GOSR2: variants seen among roughly 807,000 people sequenced by gnomAD.
GOSR2 encodes the protein golgi SNAP receptor complex member 2.
In GOSR2, 20 loss-of-function variants were observed where a neutral mutation model predicts 27.9. The observed-to-expected ratio is 0.72, with a 90% CI of 0.50 to 1.04. The LOEUF (loss-of-function observed/expected upper bound fraction) is 1.04. Ranked by LOEUF, GOSR2 falls within the 50% of genes least tolerant of loss-of-function variation. The pLI is 0.00. For synonymous variants in GOSR2, 91 were observed against 98.8 expected, an observed-to-expected ratio of 0.92 and a Z score of 0.47; for missense variants, 261 against 270.5, an observed-to-expected ratio of 0.97 and a Z score of 0.25.
intron 2 of GOSR2, chr17:46,930,838 AT>A (rs2087253001): frequency 7.3e-6 from 3 of 409,118 alleles, no homozygotes; most frequent in Non-Finnish European, 1.3e-5. Context: ...TAGGAAATTT[AT>A]TTCTACAGAT....
intron 1 of GOSR2, among the ~76,000 whole-genome samples, chr17:46,928,864 C>T (rs2086888105): frequency 6.6e-6 from 1 of 152,164 alleles, no homozygotes; most frequent in African/African-American, 2.4e-5. Context: ...CACAGCGATG[C>T]TCAGAACTCT....
chr17:46,933,631 C>CTTTTTTTTATTTTTTTTTTTTTT (rs2087750724), intron 4 of GOSR2: 1 of 134,746 alleles, frequency 7.4e-6, no homozygotes, highest in Non-Finnish European at 1.6e-5. Flanking sequence ...GTGGCATAAC[C>CTTTTTTTTATTTTTTTTTTTTTT]TTTTTTTTTT....
exon 7 of GOSR2, chr17:46,966,739 G>T (rs1429839684): frequency 2.1e-6 from 1 of 470,770 alleles, no homozygotes; most frequent in South Asian, 4.5e-5. Context: ...AGCAATTTGT[G>T]CCTTGTTTCA....
At chr17:46,925,206 T>C (rs1179886206) in intron 1 of GOSR2, among the ~76,000 whole-genome samples, 1 of 152,238 alleles carries the variant, frequency 6.6e-6, no homozygotes, top group Admixed American at 6.5e-5. Flanking sequence ...TCTGCTGTTA[T>C]ATTGGGAAAA....
chr17:46,972,921 A>C (rs1297730177), intron 6 of GOSR2: 1 of 153,860 alleles, frequency 6.5e-6, no homozygotes, highest in Non-Finnish European at 1.5e-5. Flanking sequence ...TGGCACTGAC[A>C]TGCAAACCTA....
At chr17:46,951,375 T>C (rs561806640) in intron 6 of GOSR2, among the ~76,000 whole-genome samples, 5 of 152,072 alleles carry the variant, frequency 3.3e-5, no homozygotes, top group Admixed American at 6.5e-5. Context: ...TACCCATCAA[T>C]TTCATCCTTA....
downstream of GOSR2, among the ~76,000 whole-genome samples, chr17:46,971,061 TA>T (rs2091387107): frequency 6.6e-6 from 1 of 152,176 alleles, no homozygotes; most frequent in African/African-American, 2.4e-5. Flanking sequence ...ATCATCGCTT[TA>T]AAACATAGGC....
chr17:46,940,952 T>C lies in GOSR2; in HGVS notation c.*2192T>C. 4 of 1,245,288 alleles carry C rather than the reference T, an allele frequency of 3.2e-6. No homozygotes were observed. Among genetic ancestry groups the C allele is most frequent in the Non-Finnish European group, 3.1e-6 (3 of 979,772 alleles). 77.1% of individuals were successfully genotyped at this position (1,245,288 alleles called of 1,614,324 possible). A position where few individuals can be genotyped will look rare whatever the true frequency, so the allele number is the denominator to read the frequency against. ...AGACCTTGGCCTAACAGTGTGACTC[T>C]CTCCACCGCCTCAGTGTAGGGAAGG... On this transcript the variant is annotated 3_prime_UTR_variant, in exon 6 of 6. Coordinates refer to ENST00000640051, the MANE Select transcript of GOSR2 (RefSeq NM_004287.5).
At position 46,940,958 on chromosome 17, in the gene GOSR2, C is replaced by T. The variant is rs2089189547; in HGVS notation, c.*2198C>T. 4.0e-6 allele frequency: 5 copies of T among 1,238,278 alleles called. No individual in the cohort carries two copies. The South Asian group carries it at 7.9e-5, about 20-fold the overall frequency. 76.7% of individuals were successfully genotyped at this position (1,238,278 alleles called of 1,614,324 possible). The stretch of plus-strand genomic sequence containing the variant: ...TGGCCTAACAGTGTGACTCTCTCCA[C>T]CGCCTCAGTGTAGGGAAGGGTCCAG... On this transcript the variant is annotated 3_prime_UTR_variant, in exon 6 of 6. Transcript: ENST00000640051.
intron 5 of GOSR2, chr17:46,937,010 C>G (rs2088505105): frequency 5.8e-6 from 1 of 171,920 alleles, no homozygotes; most frequent in Admixed American, 6.6e-5. Flanking sequence ...AGATGCCATG[C>G]ATATAAGTTG....
chr17:46,934,383 A>G (rs1035428960), intron 4 of GOSR2, among the ~76,000 whole-genome samples: 3 of 152,326 alleles, frequency 2.0e-5, no homozygotes, highest in Admixed American at 6.5e-5. Flanking sequence ...AAAGCTGGGC[A>G]TGGTAGCATG....
At chr17:46,935,826 A>G in intron 5 of GOSR2, 1 of 986,178 alleles carries the variant, frequency 1.0e-6, no homozygotes, top group Non-Finnish European at 1.2e-6. Flanking sequence ...GATGTCAGTC[A>G]TGATGTTTCA....
At chr17:46,935,991 G>A in intron 5 of GOSR2, 1 of 985,888 alleles carries the variant, frequency 1.0e-6, no homozygotes, top group Non-Finnish European at 1.2e-6. Flanking sequence ...GTTTTTGTTG[G>A]ATCATGTTGA....
At chr17:46,955,211 A>T (rs1257781182) in intron 6 of GOSR2, among the ~76,000 whole-genome samples, 3 of 151,930 alleles carry the variant, frequency 2.0e-5, no homozygotes, top group Non-Finnish European at 4.4e-5. Flanking sequence ...ATTTATTGAG[A>T]GTTTTTAGCA....
chr17:46,940,701 T>C lies in GOSR2; in HGVS notation c.*1941T>C. 1 of 1,608,246 alleles carries C rather than the reference T, an allele frequency of 6.2e-7. No homozygotes were observed. The highest frequency in any genetic ancestry group is 1.1e-5 in the South Asian group (1 of 90,776). Reference sequence around the variant, plus strand: ...GACATCTTTTCGTGGTGTGCACCAGTGCTTTCCACACTTGACAGTGGTTGG... The same window carrying C: ...GACATCTTTTCGTGGTGTGCACCAGCGCTTTCCACACTTGACAGTGGTTGG... On this transcript the variant is annotated 3_prime_UTR_variant, in exon 6 of 6. Transcript: ENST00000640051.
chr17:46,938,892 G>A lies in GOSR2; in HGVS notation c.*132G>A. Reference sequence around the variant, plus strand: ...CTGAACTGTGAAGACACTTGGGAGTGATTGTGGTCTAATTTCCAACCTGCT... The same window carrying A: ...CTGAACTGTGAAGACACTTGGGAGTAATTGTGGTCTAATTTCCAACCTGCT... On this transcript the variant is annotated 3_prime_UTR_variant, in exon 6 of 6. Transcript: ENST00000640051. 1 of 1,543,904 alleles carries A rather than the reference G, an allele frequency of 6.5e-7. No homozygotes were observed. The highest frequency in any genetic ancestry group is 8.7e-7 in the Non-Finnish European group (1 of 1,147,610).
At chr17:46,931,303 G>C (rs932026348) in intron 3 of GOSR2, 96 bp downstream of exon 3, 2 of 748,210 alleles carry the variant, frequency 2.7e-6, no homozygotes, top group Non-Finnish European at 2.5e-6. Context: ...GAAAACCAAC[G>C]TACATGTTGA....
At chr17:46,958,770 G>A (rs1317088619) in intron 6 of GOSR2, among the ~76,000 whole-genome samples, 3 of 152,244 alleles carry the variant, frequency 2.0e-5, no homozygotes, top group African/African-American at 7.2e-5. Context: ...GGACATTTAA[G>A]TCTGCCTGAA....
intron 6 of GOSR2, among the ~76,000 whole-genome samples, chr17:46,974,670 C>G (rs931325172): frequency 6.6e-6 from 1 of 151,452 alleles, no homozygotes; most frequent in Non-Finnish European, 1.5e-5. Flanking sequence ...GGAGGCAGAG[C>G]TTGCAGTGAG....
Sources: gnomAD v4.1 joint callset for allele counts (sites outside exome capture counted in the v4.1 genomes callset) on GRCh38, gnomAD v4.1.1 for gene constraint, MANE v1.5 for transcripts, NCBI Gene and HGNC (gene_info 2026-07-23, HGNC 2026-07-21) for gene names.